Variants in ADCY3 observed in about 807,000 individuals in gnomAD.
ADCY3 encodes adenylate cyclase 3.
A neutral mutation model predicts 119.4 loss-of-function variants in ADCY3; 70 were observed. That is an observed-to-expected ratio of 0.59 (90% CI 0.48 to 0.72). ADCY3 has a LOEUF of 0.72. Ranked by LOEUF, ADCY3 falls within the 30% of genes least tolerant of loss-of-function variation. The pLI is 0.00. For synonymous variants in ADCY3, 672 were observed against 621.4 expected (o/e 1.08, Z -1.21); for missense variants, 1,238 against 1,541.6 (o/e 0.80, Z 3.30).
In ADCY3 at chr2:24,821,556, T is replaced by C. The variant is rs1225702146; in HGVS notation, c.3088A>G (p.Ile1030Val). The change falls in exon 20 of 22, where the codon ATC (isoleucine) becomes GTC (valine). Residue 1030 changes from isoleucine to valine, a missense_variant. Physicochemically the swap from Ile to Val is conservative, Grantham distance 29 (BLOSUM62 3). Transcript: ENST00000679454. Reference protein sequence around the residue: ...ALAMKDTLTNINNQSFNNFML... With the variant: ...ALAMKDTLTNVNNQSFNNFML... ...AAGTTATTGAAGGACTGGTTGTTGATGTTGGTGAGCGTATCCTTCATGGCC... is the reference window on the plus strand; with the variant it reads ...AAGTTATTGAAGGACTGGTTGTTGACGTTGGTGAGCGTATCCTTCATGGCC... 2 of 1,614,126 alleles carry C rather than the reference T, an allele frequency of 1.2e-6. No homozygotes were observed. The highest frequency in any genetic ancestry group is 1.1e-5 in the South Asian group (1 of 91,078).
chr2:24,821,405 C>T, intron 20 of ADCY3, 112 bp downstream of exon 20: 1 of 1,475,370 alleles, frequency 6.8e-7, no homozygotes, highest in Non-Finnish European at 9.2e-7. Context: ...GCGTGAACCT[C>T]CCCACCCGAA....
At position 24,822,729 on chromosome 2, in the gene ADCY3, CAA is replaced by C; in HGVS notation, c.2884-101_2884-100del. On this transcript the variant is annotated intron_variant, in intron 18 of 21. Coordinates refer to ENST00000679454, the MANE Select transcript of ADCY3 (RefSeq NM_004036.5). ...CTGTTTACAAGGACCCCACTAAACCCAAGAGACACTTTCCTATCAAAGTTGTT... is the reference window on the plus strand; with the variant it reads ...CTGTTTACAAGGACCCCACTAAACCCGAGACACTTTCCTATCAAAGTTGTT... 5 of 1,471,360 alleles carry C rather than the reference CAA, an allele frequency of 3.4e-6. No homozygotes were observed. The Admixed American group carries it at 1.0e-4, about 30-fold the overall frequency. The allele number at this position is 1,471,360 out of a possible 1,614,324, so 91.1% of individuals were successfully genotyped here.
intron 15 of ADCY3, 81 bp from the exon 16 acceptor site, chr2:24,826,207 C>G: frequency 7.9e-7 from 1 of 1,259,392 alleles, no homozygotes. Flanking sequence ...CTAGATGGTG[C>G]TGCTTCCTGC....
chr2:24,824,700 C>G lies in ADCY3; in HGVS notation c.2578-164G>C, dbSNP rs557357332. On this transcript the variant is annotated intron_variant, in intron 16 of 21. Transcript: ENST00000679454. ...GGTCAGGAGTTCGAGACCAGCCTGA[C>G]CAACATGGTGAAACCCTGTCTCTAC... 1.7e-4 allele frequency among the ~76,000 whole-genome samples: 26 copies of G among 152,256 alleles called. 1 individual carries two copies. The South Asian group carries it at 3.5e-3, about 21-fold the overall frequency.
chr2:24,907,043 A>G (rs1662933724), intron 2 of ADCY3, among the ~76,000 whole-genome samples: 1 of 152,174 alleles, frequency 6.6e-6, no homozygotes. Context: ...AGGCAGGAGA[A>G]TCACTTAAAC....
intron 3 of ADCY3, among the ~76,000 whole-genome samples, chr2:24,846,612 C>T (rs1388566103): frequency 6.8e-6 from 1 of 147,728 alleles, no homozygotes; most frequent in African/African-American, 2.5e-5. Context: ...AAGTCTCGCT[C>T]TTGTCCCCCA....
intron 2 of ADCY3, among the ~76,000 whole-genome samples, chr2:24,874,648 G>A (rs1258708637): frequency 6.6e-6 from 1 of 152,298 alleles, no homozygotes; most frequent in African/African-American, 2.4e-5. Flanking sequence ...GAAGTGAGGC[G>A]GACAAAGACC....
At chr2:24,826,288 A>C (rs954480233) in intron 15 of ADCY3, 162 bp from the exon 16 acceptor site, 3 of 623,152 alleles carry the variant, frequency 4.8e-6, no homozygotes, top group African/African-American at 3.7e-5. Flanking sequence ...CCGGGCAGTA[A>C]AATTTTCTTA....
At chr2:24,875,163 A>ACCTC (rs1315333843) in intron 2 of ADCY3, among the ~76,000 whole-genome samples, 1 of 96,900 alleles carries the variant, frequency 1.0e-5, no homozygotes, top group African/African-American at 8.4e-5. Flanking sequence ...CCTGCCAGTG[A>ACCTC]GCTGATTCTA....
chr2:24,838,520 A>T lies in ADCY3; in HGVS notation c.1458T>A (p.Gly486=). The part of the protein sequence containing the change: ...GSRCDYLEEK[G]IETYLIIASK... ...AGGCAATGATGAGGTAGGTTTCAAT[A>T]CCCTTCTCTTCTAGGTAATCACAGC... Residue 486 remains glycine, a synonymous_variant, in exon 8 of 22, where the codon GGT becomes GGA. Coordinates refer to ENST00000679454, the MANE Select transcript of ADCY3 (RefSeq NM_004036.5). The T allele has an allele frequency of 6.2e-7, 1 of 1,613,772 alleles. No individual in the cohort carries two copies. The highest frequency in any genetic ancestry group is 8.5e-7 in the Non-Finnish European group (1 of 1,179,944).
chr2:24,896,695 G>A (rs1484690134), intron 2 of ADCY3, among the ~76,000 whole-genome samples: 1 of 152,108 alleles, frequency 6.6e-6, no homozygotes, highest in African/African-American at 2.4e-5. Flanking sequence ...TGCATGAGCA[G>A]ATTGATATTC....
chr2:24,916,138 A>C (rs531326951), intron 2 of ADCY3, among the ~76,000 whole-genome samples: 9 of 151,988 alleles, frequency 5.9e-5, no homozygotes, highest in Admixed American at 1.3e-4. Context: ...TTTATTCTTG[A>C]TTTCTATCTT....
intron 2 of ADCY3, among the ~76,000 whole-genome samples, chr2:24,880,569 A>G (rs777250967): frequency 1.3e-5 from 2 of 152,238 alleles, no homozygotes; most frequent in Non-Finnish European, 2.9e-5. Flanking sequence ...CAGAAATAAT[A>G]TTTCAAATGT....
At chr2:24,889,639 C>G (rs1184754374) in intron 2 of ADCY3, among the ~76,000 whole-genome samples, 1 of 152,164 alleles carries the variant, frequency 6.6e-6, no homozygotes, top group Non-Finnish European at 1.5e-5. Context: ...GAGTTTGAGA[C>G]CAGCCTGGCC....
Position 24,838,521 on chromosome 2 carries a change from C to A in ADCY3, c.1457G>T (p.Gly486Val). Residue 486 changes from glycine (G) to valine (V), a missense_variant, in exon 8 of 22, where the codon GGT becomes GTT. By Grantham distance (109) the Gly-to-Val change is moderately radical. This residue lies in a region of ADCY3 where 283 missense variants were observed against 437.2 expected (regional missense o/e 0.65). Coordinates refer to ENST00000679454, the MANE Select transcript of ADCY3 (RefSeq NM_004036.5). Reference sequence around the variant, plus strand: ...GGCAATGATGAGGTAGGTTTCAATACCCTTCTCTTCTAGGTAATCACAGCG... The same window carrying A: ...GGCAATGATGAGGTAGGTTTCAATAACCTTCTCTTCTAGGTAATCACAGCG... ...GSRCDYLEEK[G>V]IETYLIIASK... The A allele has an allele frequency of 2.5e-6, 4 of 1,614,134 alleles. No homozygotes were observed. Among genetic ancestry groups the A allele is most frequent in the Non-Finnish European group, 3.4e-6 (4 of 1,180,022 alleles).
In ADCY3 at chr2:24,899,844, G is replaced by A. The variant is rs776808144; in HGVS notation, c.675+18469C>T. ...CAAACATTTGGCAATGGGTACCTATGAGAAGGGGAGCAAGGGAAGGAAGGA... is the reference window on the plus strand; with the variant it reads ...CAAACATTTGGCAATGGGTACCTATAAGAAGGGGAGCAAGGGAAGGAAGGA... On this transcript the variant is annotated intron_variant, in intron 2 of 21. Coordinates refer to ENST00000679454, the MANE Select transcript of ADCY3 (RefSeq NM_004036.5). The surrounding 1 kb of genome is among the most constrained non-coding windows in gnomAD (Gnocchi z 4.5). Among the ~76,000 whole-genome samples the A allele has an allele frequency of 2.0e-5, 3 of 152,196 alleles. No homozygotes were observed. The highest frequency in any genetic ancestry group is 6.5e-5 in the Admixed American group (1 of 15,278).
intron 9 of ADCY3, 126 bp from the exon 10 acceptor site, chr2:24,835,062 C>G: frequency 8.0e-7 from 1 of 1,254,284 alleles, no homozygotes; most frequent in South Asian, 1.5e-5. Flanking sequence ...ATCCCTCCAG[C>G]TCTAAAATCC....
chr2:24,857,206 G>C (rs1223217997), intron 3 of ADCY3, among the ~76,000 whole-genome samples: 2 of 152,232 alleles, frequency 1.3e-5, no homozygotes, highest in African/African-American at 4.8e-5. Context: ...CTCCTGTGCA[G>C]TCCCCAGAGA....
rs552557580 is a variant in ADCY3, at chr2:24,843,421, C to G, written c.826-1037G>C. 4.2e-3 allele frequency among the ~76,000 whole-genome samples: 643 copies of G among 152,320 alleles called. 2 individuals carry two copies. The highest frequency in any genetic ancestry group is 0.015 in the African/African-American group (614 of 41,558). On this transcript the variant is annotated intron_variant, in intron 3 of 21. Coordinates refer to ENST00000679454, the MANE Select transcript of ADCY3 (RefSeq NM_004036.5). Reference sequence around the variant, plus strand: ...CTAATTTTTACATTTTTTGTAGAAACAGGGTCTTGCCATGTTGCCCAAGCT... The same window carrying G: ...CTAATTTTTACATTTTTTGTAGAAAGAGGGTCTTGCCATGTTGCCCAAGCT...
Sources: allele counts gnomAD v4.1 joint callset (sites outside exome capture counted in the v4.1 genomes callset), GRCh38; gene constraint gnomAD v4.1.1; regional missense constraint gnomAD v4.1.1; non-coding constraint Gnocchi (gnomAD v3.1); transcripts MANE v1.5; gene names NCBI Gene and HGNC (gene_info 2026-07-23, HGNC 2026-07-21).